The following RCOR1 variants were observed in gnomAD, a reference collection of about 807,000 sequenced individuals.
RCOR1 encodes REST corepressor 1, also known as REST corepressor.
A neutral mutation model predicts 64.0 loss-of-function variants in RCOR1; 12 were observed. The observed-to-expected ratio is 0.19, with a 90% CI of 0.12 to 0.30. RCOR1 has a LOEUF of 0.30. Among genes scored for constraint, RCOR1 ranks in the 10% least tolerant of loss-of-function variants. RCOR1 has a pLI of 1.00. For missense variants in RCOR1, 502 were observed against 621.2 expected, an observed-to-expected ratio of 0.81 and a Z score of 2.04; for synonymous variants, 279 against 227.2, an observed-to-expected ratio of 1.23 and a Z score of -2.05.
At chr14:102,644,668 C>T (rs1894443189) in intron 2 of RCOR1, among the ~76,000 whole-genome samples, 1 of 152,142 alleles carries the variant, frequency 6.6e-6, no homozygotes. Context: ...ACTCATGTGA[C>T]GTCAAGAGAA....
At chr14:102,714,715 C>G (rs1896032928) in intron 8 of RCOR1, 98 bp downstream of exon 8, 1 of 953,370 alleles carries the variant, frequency 1.0e-6, no homozygotes, top group Admixed American at 2.8e-5. Flanking sequence ...CCGCAAATCT[C>G]AAAGGAGCAT....
chr14:102,706,366 AGG>A (rs1253169380), intron 4 of RCOR1, among the ~76,000 whole-genome samples: 1 of 152,080 alleles, frequency 6.6e-6, no homozygotes, highest in East Asian at 1.9e-4. Flanking sequence ...TTAAAGTGAA[AGG>A]GTGGAAAATG....
At chr14:102,676,741 C>T (rs1595225122) in intron 2 of RCOR1, among the ~76,000 whole-genome samples, 2 of 109,350 alleles carry the variant, frequency 1.8e-5, no homozygotes, top group African/African-American at 7.7e-5. Context: ...TGACCCCCCC[C>T]ACCTCCCTCC....
intron 3 of RCOR1, among the ~76,000 whole-genome samples, chr14:102,690,609 T>C (rs1022595364): frequency 2.6e-5 from 4 of 151,814 alleles, no homozygotes; most frequent in African/African-American, 9.7e-5. Flanking sequence ...AAAAAGAAAA[T>C]AATAATAACA....
chr14:102,618,426 A>G (rs1389896650), intron 2 of RCOR1, among the ~76,000 whole-genome samples: 1 of 151,954 alleles, frequency 6.6e-6, no homozygotes, highest in Non-Finnish European at 1.5e-5. Flanking sequence ...AACCTAGGCA[A>G]CAGAGTGAGA....
chr14:102,613,723 CTT>C (rs74810023), intron 2 of RCOR1, among the ~76,000 whole-genome samples: 32 of 140,124 alleles, frequency 2.3e-4, no homozygotes, highest in Admixed American at 2.2e-4. Flanking sequence ...CCCCGCCATC[CTT>C]TTTTTTTTTT....
At chr14:102,707,749 C>A (rs1595240175) in intron 5 of RCOR1, among the ~76,000 whole-genome samples, 1 of 151,730 alleles carries the variant, frequency 6.6e-6, no homozygotes, top group Non-Finnish European at 1.5e-5. Context: ...CCCACCCACC[C>A]CAGTCCCTCT....
At chr14:102,664,852 T>C (rs887355885) in intron 2 of RCOR1, among the ~76,000 whole-genome samples, 11 of 152,208 alleles carry the variant, frequency 7.2e-5, no homozygotes, top group African/African-American at 2.7e-4. Flanking sequence ...TATGAAGTAT[T>C]AAGTACAGGC....
At chr14:102,702,665 T>TTTA (rs1175584576) in intron 4 of RCOR1, among the ~76,000 whole-genome samples, 1 of 152,124 alleles carries the variant, frequency 6.6e-6, no homozygotes, top group African/African-American at 2.4e-5. Flanking sequence ...AGACCTTCAG[T>TTTA]TTATACTCAG....
intron 4 of RCOR1, among the ~76,000 whole-genome samples, chr14:102,706,563 C>G (rs1430376017): frequency 6.6e-6 from 1 of 152,028 alleles, no homozygotes; most frequent in Non-Finnish European, 1.5e-5. Context: ...ATAGAATTAC[C>G]GTATTATCCA....
At chr14:102,696,030 G>A (rs902156423) in intron 3 of RCOR1, among the ~76,000 whole-genome samples, 1 of 152,008 alleles carries the variant, frequency 6.6e-6, no homozygotes, top group African/African-American at 2.4e-5. Context: ...ATTCTCAGAC[G>A]TTAGCTGTTG....
chr14:102,669,453 A>G (rs954621150), intron 2 of RCOR1, among the ~76,000 whole-genome samples: 1 of 152,196 alleles, frequency 6.6e-6, no homozygotes, highest in Non-Finnish European at 1.5e-5. Context: ...CTTAATGTGG[A>G]TATCATGGGG....
At chr14:102,662,072 T>A (rs529505397) in intron 2 of RCOR1, among the ~76,000 whole-genome samples, 1 of 152,240 alleles carries the variant, frequency 6.6e-6, no homozygotes, top group Non-Finnish European at 1.5e-5. Flanking sequence ...TGAGTTGTTA[T>A]AGACTGGGTG....
At chr14:102,600,941 G>A (rs1037099204) in intron 2 of RCOR1, among the ~76,000 whole-genome samples, 1 of 149,926 alleles carries the variant, frequency 6.7e-6, no homozygotes, top group East Asian at 2.1e-4. Context: ...TGTAATCCCA[G>A]CACTTTGGGA....
chr14:102,597,726 C>T (rs1595187365), intron 2 of RCOR1, among the ~76,000 whole-genome samples: 2 of 148,024 alleles, frequency 1.4e-5, no homozygotes, highest in Non-Finnish European at 3.0e-5. Context: ...CTCTGCCTCC[C>T]GGGTTCAAGC....
intron 3 of RCOR1, among the ~76,000 whole-genome samples, chr14:102,689,750 G>T (rs1895494979): frequency 6.6e-6 from 1 of 152,122 alleles, no homozygotes; most frequent in Non-Finnish European, 1.5e-5. Flanking sequence ...AAACAAGCTG[G>T]CTGATTTTTT....
At chr14:102,676,260 G>A (rs569182975) in intron 2 of RCOR1, among the ~76,000 whole-genome samples, 1 of 149,892 alleles carries the variant, frequency 6.7e-6, no homozygotes, top group African/African-American at 2.5e-5. Flanking sequence ...CCGGGCAGAG[G>A]GGCTCCTCGC....
At chr14:102,603,085 T>A (rs1893436702) in intron 2 of RCOR1, among the ~76,000 whole-genome samples, 1 of 151,514 alleles carries the variant, frequency 6.6e-6, no homozygotes, top group Non-Finnish European at 1.5e-5. Context: ...GACCTTTTTT[T>A]TCCCCTTTTT....
intron 2 of RCOR1, among the ~76,000 whole-genome samples, chr14:102,633,043 A>G (rs1453370152): frequency 6.6e-6 from 1 of 151,524 alleles, no homozygotes; most frequent in Non-Finnish European, 1.5e-5. Flanking sequence ...TCCTGGACAC[A>G]AGCCATCCTC....
Sources: allele counts gnomAD v4.1 joint callset (sites outside exome capture counted in the v4.1 genomes callset), GRCh38; gene constraint gnomAD v4.1.1; transcripts MANE v1.5; gene names NCBI Gene and HGNC (gene_info 2026-07-23, HGNC 2026-07-21).